The following PIK3C3 variants were observed in gnomAD, a reference collection of about 807,000 sequenced individuals.
The protein encoded by PIK3C3 is PI3-kinase type 3.
A neutral mutation model predicts 126.1 loss-of-function variants in PIK3C3; 95 were observed. That is an observed-to-expected ratio of 0.75 (90% CI 0.64 to 0.89). The LOEUF (loss-of-function observed/expected upper bound fraction) is 0.89, where lower values mean the gene tolerates loss of function less well. Among genes scored for constraint, PIK3C3 ranks in the 40% least tolerant of loss-of-function variants. The pLI is 0.00. For synonymous variants in PIK3C3, 374 were observed against 360.0 expected (o/e 1.04, Z -0.44); for missense variants, 829 against 1,063.2 (o/e 0.78, Z 3.06).
intron 9 of PIK3C3, among the ~76,000 whole-genome samples, chr18:41,997,116 A>G (rs1170417369): frequency 1.3e-5 from 2 of 152,170 alleles, no homozygotes; most frequent in East Asian, 3.9e-4. Context: ...TATCTGGTGC[A>G]TAGTAGGTGC....
Position 42,029,415 on chromosome 18 carries a change from C to T in PIK3C3, c.1681C>T (p.Arg561Cys), listed in dbSNP as rs749775725. ...GGTGCATCTAATGAAGGCAGTACAA[C>T]GCGAAAGTGGAAATCGTAAGAAAAA... ...RLVHLMKAVQ[R>C]ESGNRKKKNE... The change falls in exon 15 of 25, where the codon CGC becomes TGC. Residue 561 changes from arginine (R) to cysteine (C), a missense_variant. Physicochemically the swap from Arg to Cys is radical, Grantham distance 180. Around this residue, in one of 4 missense-constraint regions of PIK3C3, gnomAD observed 256 missense variants for 291.0 expected, o/e 0.88. Coordinates refer to ENST00000262039, the MANE Select transcript of PIK3C3 (RefSeq NM_002647.4). 1.7e-5 allele frequency: 28 copies of T among 1,610,486 alleles called. 1 individual carries two copies. The highest frequency in any genetic ancestry group is 8.9e-5 in the East Asian group (4 of 44,822).
At chr18:41,973,201 G>C (rs995950514) in intron 4 of PIK3C3, among the ~76,000 whole-genome samples, 2 of 152,010 alleles carry the variant, frequency 1.3e-5, no homozygotes, top group Non-Finnish European at 2.9e-5. Context: ...ATTGTTTGCA[G>C]GTCATTCCTT....
rs146571394 is a variant in PIK3C3 at position 41,988,404 on chromosome 18, A to G, written c.618+506A>G. 1.2e-3 allele frequency among the ~76,000 whole-genome samples: 186 copies of G among 152,322 alleles called. 1 individual carries two copies. The highest frequency in any genetic ancestry group is 4.4e-3 in the African/African-American group (182 of 41,574). On this transcript the variant is annotated intron_variant, in intron 5 of 24. Coordinates refer to ENST00000262039, the MANE Select transcript of PIK3C3 (RefSeq NM_002647.4). ...TGTGAGCCAGTGTGTATGTTTAAAT[A>G]AAGATGGCTTCAATGAGAGTCCTGC...
At chr18:42,071,545 C>T (rs1256516486) in intron 24 of PIK3C3, among the ~76,000 whole-genome samples, 3 of 151,826 alleles carry the variant, frequency 2.0e-5, no homozygotes, top group African/African-American at 4.8e-5. Context: ...CATGGTGAAA[C>T]CCTGTCTCTA....
chr18:42,002,942 G>T (rs75082420), intron 9 of PIK3C3, among the ~76,000 whole-genome samples: 1 of 152,182 alleles, frequency 6.6e-6, no homozygotes. Flanking sequence ...AGGGGAATGG[G>T]ACTAACTAGG....
At chr18:42,062,253 T>TA (rs1438976336) in intron 22 of PIK3C3, among the ~76,000 whole-genome samples, 1 of 151,698 alleles carries the variant, frequency 6.6e-6, no homozygotes, top group Non-Finnish European at 1.5e-5. Flanking sequence ...TTTTTTTTTT[T>TA]TATAATATGT....
At chr18:42,041,363 TG>T (rs1984309223) in intron 19 of PIK3C3, among the ~76,000 whole-genome samples, 2 of 152,282 alleles carry the variant, frequency 1.3e-5, no homozygotes, top group African/African-American at 4.8e-5. Flanking sequence ...ACAATGATAT[TG>T]TTGCTCATCT....
intron 10 of PIK3C3, among the ~76,000 whole-genome samples, chr18:42,012,446 C>G (rs1383410294): frequency 1.3e-5 from 2 of 152,100 alleles, no homozygotes; most frequent in Non-Finnish European, 2.9e-5. Flanking sequence ...CCCAAAGTCT[C>G]AGAATTTTCT....
At position 42,020,626 on chromosome 18, in the gene PIK3C3, T is replaced by G; in HGVS notation, c.1417-12T>G. 1 of 1,569,446 alleles carries G rather than the reference T, an allele frequency of 6.4e-7. No homozygotes were observed. The highest frequency in any genetic ancestry group is 8.7e-7 in the Non-Finnish European group (1 of 1,148,188). On this transcript the variant is annotated splice_polypyrimidine_tract_variant and intron_variant, in intron 12 of 24. Transcript: ENST00000262039. ...ATGATAATATATAATACATTTCTTT[T>G]AATTCTTTCAGCAAGATCTCTGTAC...
chr18:42,077,882 A>G (rs1475958314), intron 24 of PIK3C3, among the ~76,000 whole-genome samples: 1 of 152,292 alleles, frequency 6.6e-6, no homozygotes, highest in African/African-American at 2.4e-5. Flanking sequence ...TACGAAATGT[A>G]TTTCTTAAAT....
At chr18:42,036,820 C>T (rs1211296201) in intron 16 of PIK3C3, among the ~76,000 whole-genome samples, 1 of 152,038 alleles carries the variant, frequency 6.6e-6, no homozygotes, top group East Asian at 1.9e-4. Context: ...GATTGAGCAT[C>T]TCTAATCCAA....
chr18:42,046,745 T>C (rs1479597111), intron 20 of PIK3C3, among the ~76,000 whole-genome samples: 3 of 152,142 alleles, frequency 2.0e-5, no homozygotes, highest in Non-Finnish European at 4.4e-5. Flanking sequence ...TTACCTCAAA[T>C]GTTTTGTTGT....
At chr18:42,081,043 T>C (rs1986229385) in intron 24 of PIK3C3, 80 bp from the exon 25 acceptor site, 3 of 839,020 alleles carry the variant, frequency 3.6e-6, no homozygotes, top group African/African-American at 3.5e-5. Context: ...AGTAGTCTTT[T>C]TTAAAACTAT....
At chr18:41,987,731 G>GTT in intron 4 of PIK3C3, 81 bp from the exon 5 acceptor site, 1 of 841,974 alleles carries the variant, frequency 1.2e-6, no homozygotes, top group Non-Finnish European at 2.0e-6. Context: ...TATGTGAAGT[G>GTT]TACATTGCCA....
rs1024961565 is a variant in PIK3C3, at chr18:41,970,434, A to G, written c.509A>G (p.Asp170Gly). The change falls in exon 4 of 25, where the codon GAT (aspartate) becomes GGT (glycine). Residue 170 changes from aspartate (D) to glycine (G), a missense_variant. Coordinates refer to ENST00000262039, the MANE Select transcript of PIK3C3 (RefSeq NM_002647.4). Reference protein sequence around the residue: ...PGRTSSTLSEDQMSRLAKLTK... With the variant: ...PGRTSSTLSEGQMSRLAKLTK... ...AGAACAAGTAGCACTCTCTCAGAAG[A>G]TCAGATGAGCCGTCTTGCCAAGGTA... 6.2e-7 allele frequency: 1 copy of G among 1,613,882 alleles called. No individual in the cohort carries two copies. Among genetic ancestry groups the G allele is most frequent in the Non-Finnish European group, 8.5e-7 (1 of 1,179,962 alleles).
intron 16 of PIK3C3, among the ~76,000 whole-genome samples, chr18:42,035,292 C>T (rs1369221136): frequency 6.6e-6 from 1 of 152,100 alleles, no homozygotes; most frequent in African/African-American, 2.4e-5. Context: ...TTCTAATATT[C>T]TTGAACACTA....
intron 4 of PIK3C3, among the ~76,000 whole-genome samples, chr18:41,982,817 A>T (rs1355857724): frequency 1.3e-5 from 2 of 152,188 alleles, no homozygotes; most frequent in African/African-American, 4.8e-5. Flanking sequence ...ATCATACCGT[A>T]TCTGTGTGCT....
At chr18:42,048,103 C>T (rs1226697552) in intron 20 of PIK3C3, among the ~76,000 whole-genome samples, 1 of 152,176 alleles carries the variant, frequency 6.6e-6, no homozygotes, top group East Asian at 1.9e-4. Flanking sequence ...CCCTTTAAGT[C>T]CTCCTCAGTG....
chr18:42,083,208 T>C lies in PIK3C3; in HGVS notation c.*2071T>C, dbSNP rs1986310351. On this transcript the variant is annotated 3_prime_UTR_variant, in exon 25 of 25. Transcript: ENST00000262039. ...ATTCTTTACTCCTATTTTTTCCAAA[T>C]TCCATTGTTTTTACTCTTTAGAGCT... 1 of 152,196 alleles carries C rather than the reference T, an allele frequency of 6.6e-6. No individual in the cohort carries two copies. The highest frequency in any genetic ancestry group is 1.5e-5 in the Non-Finnish European group (1 of 68,026). The allele number at this position is 152,196 out of a possible 1,614,324, so 9.4% of individuals were successfully genotyped here. A position where few individuals can be genotyped will look rare whatever the true frequency, so the allele number is the denominator to read the frequency against.
Sources: allele counts gnomAD v4.1 joint callset (sites outside exome capture counted in the v4.1 genomes callset), GRCh38; gene constraint gnomAD v4.1.1; regional missense constraint gnomAD v4.1.1; transcripts MANE v1.5; gene names NCBI Gene and HGNC (gene_info 2026-07-23, HGNC 2026-07-21).